The following TTC28 variants were observed in gnomAD, a reference collection of about 807,000 sequenced individuals.
The protein encoded by TTC28 is tetratricopeptide repeat domain 28.
A neutral mutation model predicts 198.0 loss-of-function variants in TTC28; 61 were observed. That is an observed-to-expected ratio of 0.31 (90% confidence interval 0.25 to 0.38). TTC28 has a LOEUF of 0.38. Ranked by LOEUF, TTC28 falls within the 10% of genes least tolerant of loss-of-function variation. The probability of loss-of-function intolerance (pLI) is 1.00; values close to 1 mark genes in which losing one functional copy is unlikely to be tolerated. For missense variants in TTC28, 2,678 were observed against 3,164.0 expected, an observed-to-expected ratio of 0.85 and a Z score of 3.69; for synonymous variants, 1,171 against 1,297.8, an observed-to-expected ratio of 0.90 and a Z score of 2.10.
intron 2 of TTC28, among the ~76,000 whole-genome samples, chr22:28,583,460 A>G (rs553165265): frequency 1.4e-3 from 211 of 152,356 alleles, no homozygotes; most frequent in Non-Finnish European, 2.6e-3. Flanking sequence ...TCAGCTGTGC[A>G]ATACAACAGA....
chr22:27,998,742 G>A lies in TTC28; in HGVS notation c.4917C>T (p.Ile1639=), dbSNP rs1279029619. 2.6e-6 allele frequency: 4 copies of A among 1,550,810 alleles called. No homozygotes were observed. The highest frequency in any genetic ancestry group is 4.9e-5 in the East Asian group (2 of 40,926). Residue 1639 remains isoleucine, a synonymous_variant, in exon 16 of 23, where the codon ATC becomes ATT. Coordinates refer to ENST00000397906, the MANE Select transcript of TTC28 (RefSeq NM_001145418.2). ...CAGCCAGGAAGGCCCTTGTCAGCGC[G>A]ATGACCCCGTCGGCTGTGACTTTGC... ...SNSKVTADGV[I]ALTRAFLAAG... is the part of the protein sequence containing the mutation.
At chr22:28,274,976 T>TAAAAAAA (rs34582010) in intron 5 of TTC28, among the ~76,000 whole-genome samples, 1 of 77,886 alleles carries the variant, frequency 1.3e-5, no homozygotes, top group Non-Finnish European at 2.5e-5. Context: ...GAGACTGTCT[T>TAAAAAAA]AAAAAAAAAA....
At chr22:28,530,224 T>C (rs1029288542) in intron 2 of TTC28, among the ~76,000 whole-genome samples, 3 of 152,168 alleles carry the variant, frequency 2.0e-5, no homozygotes, top group Non-Finnish European at 4.4e-5. Context: ...AATGACCTGA[T>C]GGAGCTGAAA....
intron 5 of TTC28, among the ~76,000 whole-genome samples, chr22:28,197,836 A>G (rs1193610145): frequency 6.6e-6 from 1 of 152,074 alleles, no homozygotes; most frequent in Non-Finnish European, 1.5e-5. Context: ...GCAACACAGC[A>G]AGACCCTGTC....
intron 12 of TTC28, among the ~76,000 whole-genome samples, chr22:28,088,662 T>C (rs1039112002): frequency 6.6e-6 from 1 of 151,932 alleles, no homozygotes; most frequent in Non-Finnish European, 1.5e-5. Flanking sequence ...AATTGACAAA[T>C]GGGATCTAAT....
At chr22:28,528,667 C>T (rs897491075) in intron 2 of TTC28, among the ~76,000 whole-genome samples, 1 of 142,682 alleles carries the variant, frequency 7.0e-6, no homozygotes, top group Admixed American at 7.4e-5. Context: ...ACCCAGGAAG[C>T]GGAGGTTACA....
At chr22:28,269,950 C>T (rs188829444) in intron 5 of TTC28, among the ~76,000 whole-genome samples, 1 of 152,232 alleles carries the variant, frequency 6.6e-6, no homozygotes, top group Admixed American at 6.5e-5. Flanking sequence ...CTTTAAGTTG[C>T]AAGAAAACAC....
chr22:27,992,473 C>T (rs1026628149), intron 19 of TTC28, 114 bp downstream of exon 19: 1 of 1,089,860 alleles, frequency 9.2e-7, no homozygotes. Context: ...CTTTGAATCA[C>T]AAAGGCGGTG....
chr22:28,193,751 T>C (rs1055829563), intron 5 of TTC28, among the ~76,000 whole-genome samples: 3 of 152,092 alleles, frequency 2.0e-5, no homozygotes, highest in Non-Finnish European at 4.4e-5. Context: ...CCTAAATATA[T>C]ATGCACCCAA....
At chr22:28,105,925 T>A (rs1040297403) in intron 7 of TTC28, 123 bp from the exon 8 acceptor site, 1 of 1,197,768 alleles carries the variant, frequency 8.3e-7, no homozygotes, top group Non-Finnish European at 1.1e-6. Flanking sequence ...TAACTCCTCT[T>A]CTAGCTAAAA....
At chr22:28,574,698 T>C (rs1181398367) in intron 2 of TTC28, among the ~76,000 whole-genome samples, 1 of 152,208 alleles carries the variant, frequency 6.6e-6, no homozygotes, top group Non-Finnish European at 1.5e-5. Flanking sequence ...TTATTGATTG[T>C]CTTTTGGATA....
intron 5 of TTC28, among the ~76,000 whole-genome samples, chr22:28,254,938 T>C (rs1373164034): frequency 1.3e-5 from 2 of 152,198 alleles, no homozygotes; most frequent in Non-Finnish European, 2.9e-5. Context: ...GCCTTCTGTA[T>C]AGGAACACTG....
chr22:28,637,476 T>C (rs1317682224), intron 1 of TTC28, among the ~76,000 whole-genome samples: 1 of 152,196 alleles, frequency 6.6e-6, no homozygotes, highest in Non-Finnish European at 1.5e-5. Flanking sequence ...GCTATAACTA[T>C]GTTTTATGTG....
intron 2 of TTC28, among the ~76,000 whole-genome samples, chr22:28,428,635 A>ATTTTATTTTC (rs2047385968): frequency 1.4e-5 from 2 of 146,270 alleles, no homozygotes; most frequent in Non-Finnish European, 3.1e-5. Flanking sequence ...ATTTTATTTT[A>ATTTTATTTTC]TTTTATTTTA....
chr22:28,123,079 T>C (rs1403590202), intron 6 of TTC28, among the ~76,000 whole-genome samples: 1 of 152,174 alleles, frequency 6.6e-6, no homozygotes, highest in Admixed American at 6.5e-5. Context: ...CCCAAACTTC[T>C]CTTGGCAGCA....
At chr22:28,280,640 G>A (rs924862694) in intron 5 of TTC28, among the ~76,000 whole-genome samples, 1 of 152,128 alleles carries the variant, frequency 6.6e-6, no homozygotes, top group Non-Finnish European at 1.5e-5. Context: ...GCCTGGCCAA[G>A]AAATCTTTTA....
At chr22:28,644,306 G>T (rs2051419285) in intron 1 of TTC28, among the ~76,000 whole-genome samples, 1 of 151,450 alleles carries the variant, frequency 6.6e-6, no homozygotes, top group Non-Finnish European at 1.5e-5. Context: ...GGCTGAGGCA[G>T]GAGAATGGCA....
At chr22:28,226,959 C>T (rs1289812349) in intron 5 of TTC28, among the ~76,000 whole-genome samples, 1 of 152,148 alleles carries the variant, frequency 6.6e-6, no homozygotes, top group Non-Finnish European at 1.5e-5. Flanking sequence ...GGGTCTCACT[C>T]TGTCCACCCA....
At chr22:28,120,373 T>C (rs1942752228) in intron 6 of TTC28, among the ~76,000 whole-genome samples, 1 of 152,160 alleles carries the variant, frequency 6.6e-6, no homozygotes. Context: ...GGACCTTCAT[T>C]ATCTTATTTG....
Sources: allele counts gnomAD v4.1 joint callset (sites outside exome capture counted in the v4.1 genomes callset), GRCh38; gene constraint gnomAD v4.1.1; transcripts MANE v1.5; gene names NCBI Gene and HGNC (gene_info 2026-07-23, HGNC 2026-07-21).